Variants in UGT2A1 observed in about 807,000 individuals in gnomAD.
UGT2A1 encodes the protein UDP glucuronosyltransferase family 2 member A1 complex locus, also known as UDP-glucuronosyltransferase 2A1.
In UGT2A1, 61 loss-of-function variants were observed where a neutral mutation model predicts 45.4. The ratio of observed to expected loss-of-function variants is 1.34; its 90% CI spans 1.09 to 1.66. The LOEUF (loss-of-function observed/expected upper bound fraction) is 1.66. Ranked by LOEUF, UGT2A1 falls within the 40% of genes most tolerant of loss-of-function variation. The pLI, the probability that UGT2A1 is intolerant of heterozygous loss-of-function variation, is 0.00. For synonymous variants in UGT2A1, 229 were observed against 196.2 expected, an observed-to-expected ratio of 1.17 and a Z score of -1.40; for missense variants, 649 against 574.3, an observed-to-expected ratio of 1.13 and a Z score of -1.33.
intron 1 of UGT2A1, among the ~76,000 whole-genome samples, chr4:69,649,104 C>A (rs957273572): frequency 3.3e-5 from 5 of 152,008 alleles, no homozygotes; most frequent in Non-Finnish European, 7.4e-5. Flanking sequence ...CAGAGTGATC[C>A]TTTTCATGTT....
intron 6 of UGT2A1, among the ~76,000 whole-genome samples, chr4:69,590,160 T>C (rs1718505955): frequency 6.6e-6 from 1 of 152,222 alleles, no homozygotes; most frequent in Non-Finnish European, 1.5e-5. Flanking sequence ...ATCTGTATGT[T>C]TGTGACGAAA....
intron 2 of UGT2A1, among the ~76,000 whole-genome samples, chr4:69,646,067 T>A (rs535697275): frequency 6.6e-6 from 1 of 151,994 alleles, no homozygotes; most frequent in East Asian, 1.9e-4. Context: ...TTTGTATATA[T>A]TTCCATATTT....
intron 3 of UGT2A1, among the ~76,000 whole-genome samples, chr4:69,622,823 C>T (rs113610700): frequency 4.0e-5 from 6 of 151,798 alleles, no homozygotes; most frequent in East Asian, 1.9e-4. Flanking sequence ...ATTCATCCAG[C>T]GGTCCACATC....
In UGT2A1 at chr4:69,602,116, A is replaced by G. The variant is rs151090454; in HGVS notation, c.848-2722T>C. ...TTAACAAAAGATATGAAAAAGTTGG[A>G]CTCATTATAGTAATGAAATGATAGC... On this transcript the variant is annotated intron_variant, in intron 3 of 6. Transcript: ENST00000286604. Among the ~76,000 whole-genome samples, 61 of 136,882 alleles carry G rather than the reference A, an allele frequency of 4.5e-4. 13 individuals carry two copies. Among genetic ancestry groups the G allele is most frequent in the African/African-American group, 1.8e-3 (61 of 33,936 alleles). The allele number at this position is 136,882 out of a possible 152,430, so 89.8% of individuals were successfully genotyped here.
At chr4:69,616,057 G>T (rs1269402113) in intron 3 of UGT2A1, among the ~76,000 whole-genome samples, 1 of 151,964 alleles carries the variant, frequency 6.6e-6, no homozygotes, top group Non-Finnish European at 1.5e-5. Context: ...CCCGTCATTT[G>T]CAATAACTTG....
At chr4:69,598,438 T>C (rs547699472) in intron 4 of UGT2A1, among the ~76,000 whole-genome samples, 77 of 152,238 alleles carry the variant, frequency 5.1e-4, no homozygotes, top group Middle Eastern at 3.4e-3. Context: ...ATATTCCACA[T>C]TTCTTTTCTG....
At chr4:69,614,228 C>CAAATA (rs1720239984) in intron 3 of UGT2A1, among the ~76,000 whole-genome samples, 1 of 151,768 alleles carries the variant, frequency 6.6e-6, no homozygotes, top group African/African-American at 2.4e-5. Context: ...GCAACAGCTA[C>CAAATA]AAATAAAATA....
intron 3 of UGT2A1, among the ~76,000 whole-genome samples, chr4:69,627,049 A>G (rs1721101125): frequency 6.6e-6 from 1 of 151,874 alleles, no homozygotes. Flanking sequence ...CTCAAGATGT[A>G]TATTATAGGT....
intron 3 of UGT2A1, among the ~76,000 whole-genome samples, chr4:69,632,191 G>A (rs1721426271): frequency 1.3e-5 from 2 of 152,126 alleles, no homozygotes; most frequent in South Asian, 2.1e-4. Flanking sequence ...GGTTCAAGGT[G>A]TTTTGATATA....
At position 69,589,648 on chromosome 4, in the gene UGT2A1, A is replaced by G. The variant is rs780953199; in HGVS notation, c.1308T>C (p.Tyr436=). 6.2e-7 allele frequency: 1 copy of G among 1,603,738 alleles called. No individual in the cohort carries two copies. The highest frequency in any genetic ancestry group is 8.5e-7 in the Non-Finnish European group (1 of 1,174,642). Residue 436 remains tyrosine (Y), a synonymous_variant, in exon 7 of 7, where the codon TAT becomes TAC. Coordinates refer to ENST00000286604, the MANE Select transcript of UGT2A1 (RefSeq NM_001252275.3). ...TTGATAACCTCATAGCATTCTCTTT[A>G]TAACTAGAAGACAAATAAATAGGCA... ...ALRTVINEPS[Y]KENAMRLSRI...
chr4:69,613,355 A>C (rs181065895), intron 3 of UGT2A1, among the ~76,000 whole-genome samples: 228 of 152,076 alleles, frequency 1.5e-3, no homozygotes, highest in African/African-American at 5.2e-3. Context: ...TCTCCTATCC[A>C]AGTAAAGCCC....
intron 3 of UGT2A1, among the ~76,000 whole-genome samples, chr4:69,612,052 T>C (rs920140264): frequency 2.0e-5 from 3 of 152,062 alleles, no homozygotes; most frequent in Non-Finnish European, 4.4e-5. Context: ...CCAGTTAAAA[T>C]TCAAGCTAGA....
At chr4:69,648,480 G>A (rs549575630) in intron 1 of UGT2A1, among the ~76,000 whole-genome samples, 1 of 152,038 alleles carries the variant, frequency 6.6e-6, no homozygotes, top group African/African-American at 2.4e-5. Flanking sequence ...TTGACATCTA[G>A]ATTCAGCCTT....
At chr4:69,635,008 A>T (rs1560491193) in intron 3 of UGT2A1, among the ~76,000 whole-genome samples, 1 of 152,132 alleles carries the variant, frequency 6.6e-6, no homozygotes, top group Non-Finnish European at 1.5e-5. Context: ...GCTTGAGGGG[A>T]TGGATACCCC....
At chr4:69,651,973 T>G (rs570833147) in intron 1 of UGT2A1, among the ~76,000 whole-genome samples, 2 of 152,298 alleles carry the variant, frequency 1.3e-5, no homozygotes, top group African/African-American at 4.8e-5. Context: ...ACGGGGCACT[T>G]CAGGTGCCCA....
intron 3 of UGT2A1, among the ~76,000 whole-genome samples, chr4:69,611,423 A>G (rs563889957): frequency 5.3e-5 from 8 of 152,052 alleles, no homozygotes; most frequent in South Asian, 4.2e-4. Flanking sequence ...GTCCTTTTCT[A>G]CAAGATAACC....
intron 1 of UGT2A1, among the ~76,000 whole-genome samples, chr4:69,651,720 G>A (rs1722532623): frequency 6.6e-6 from 1 of 152,180 alleles, no homozygotes; most frequent in South Asian, 2.1e-4. Flanking sequence ...GAATGCAGAT[G>A]CCAGAGAGGA....
intron 3 of UGT2A1, among the ~76,000 whole-genome samples, chr4:69,634,297 C>T (rs1721559003): frequency 6.6e-6 from 1 of 151,830 alleles, no homozygotes; most frequent in Non-Finnish European, 1.5e-5. Context: ...CAAAAACCCA[C>T]AACACTGATC....
intron 2 of UGT2A1, chr4:69,639,525 C>T (rs768786338): frequency 6.2e-7 from 1 of 1,613,262 alleles, no homozygotes; most frequent in Non-Finnish European, 8.5e-7. Flanking sequence ...CCAATGGCTA[C>T]CATCTGTAGG....
Sources: allele counts gnomAD v4.1 joint callset (sites outside exome capture counted in the v4.1 genomes callset), GRCh38; gene constraint gnomAD v4.1.1; transcripts MANE v1.5; gene names NCBI Gene and HGNC (gene_info 2026-07-23, HGNC 2026-07-21).